AGAP1: variants seen among roughly 807,000 people sequenced by gnomAD.
The protein encoded by AGAP1 is ArfGAP with GTPase domain, ankyrin repeat and PH domain 1.
In AGAP1, 29 loss-of-function variants were observed where a neutral mutation model predicts 105.3. The observed-to-expected ratio is 0.28, with a 90% CI of 0.21 to 0.38. The LOEUF (loss-of-function observed/expected upper bound fraction) is 0.38. AGAP1 is among the 10% of genes least tolerant of loss of function. The pLI is 1.00. For synonymous variants in AGAP1, 509 were observed against 485.9 expected, an observed-to-expected ratio of 1.05 and a Z score of -0.63; for missense variants, 998 against 1,165.1, an observed-to-expected ratio of 0.86 and a Z score of 2.09.
At chr2:235,947,473 C>T (rs892776717) in intron 12 of AGAP1, among the ~76,000 whole-genome samples, 1 of 152,164 alleles carries the variant, frequency 6.6e-6, no homozygotes, top group African/African-American at 2.4e-5. Context: ...TTCGTCCACT[C>T]GTTGATTGAT....
intron 11 of AGAP1, among the ~76,000 whole-genome samples, chr2:235,916,853 G>A (rs1256105747): frequency 6.6e-6 from 1 of 152,142 alleles, no homozygotes; most frequent in Admixed American, 6.5e-5. Flanking sequence ...AATGGACATA[G>A]GGCTTAGACT....
rs537213241 is a variant in AGAP1, at chr2:236,046,530, G to C, written c.1892-2529G>C. 1.1e-4 allele frequency among the ~76,000 whole-genome samples: 16 copies of C among 152,304 alleles called. No homozygotes were observed. The highest frequency in any genetic ancestry group is 6.5e-4 in the Admixed American group (10 of 15,304). On this transcript the variant is annotated intron_variant, in intron 15 of 17. Transcript: ENST00000304032. The surrounding 1 kb of genome is among the most constrained non-coding windows in gnomAD (Gnocchi z 5.2). ...AGGTGGACCCCTGGGGTCCCAGCTT[G>C]AATAGCTGGGACAGGAGGGACCTGG...
chr2:235,644,264 A>T (rs886985790), intron 1 of AGAP1, among the ~76,000 whole-genome samples: 2 of 152,210 alleles, frequency 1.3e-5, no homozygotes, highest in Admixed American at 1.3e-4. Flanking sequence ...TCCTGATTAG[A>T]TAATACTGAG....
At chr2:235,861,950 G>T (rs1328932974) in intron 9 of AGAP1, among the ~76,000 whole-genome samples, 1 of 152,228 alleles carries the variant, frequency 6.6e-6, no homozygotes. Context: ...AACCATTGGG[G>T]ACCCTGCCCC....
intron 11 of AGAP1, among the ~76,000 whole-genome samples, chr2:235,923,187 T>C (rs2052269702): frequency 2.6e-5 from 4 of 152,204 alleles, no homozygotes; most frequent in Non-Finnish European, 5.9e-5. Context: ...TGGGGGACGA[T>C]GCCGAAAAGG....
Position 235,705,487 on chromosome 2 carries a change from G to A in AGAP1, c.164-3692G>A, listed in dbSNP as rs1291223749. Among the ~76,000 whole-genome samples, 4 of 152,156 alleles carry A rather than the reference G, an allele frequency of 2.6e-5. No individual in the cohort carries two copies. Among genetic ancestry groups the A allele is most frequent in the Admixed American group, 6.6e-5 (1 of 15,264 alleles). On this transcript the variant is annotated intron_variant, in intron 1 of 17. Transcript: ENST00000304032. This position sits in a 1 kb window ranked among gnomAD's most constrained non-coding sequence, Gnocchi z 4.9. ...CCTGGACCCTGCCCCACCCTTCCTC[G>A]ACCCCACCTACTGAGTGATGAACAA... is the stretch of plus-strand genomic sequence containing the variant.
At position 235,494,737 on chromosome 2, in the gene AGAP1, C is replaced by A; in HGVS notation, c.51C>A (p.Ile17=). 6.4e-7 allele frequency: 1 copy of A among 1,569,152 alleles called. No homozygotes were observed. Among genetic ancestry groups the A allele is most frequent in the South Asian group, 1.1e-5 (1 of 87,612 alleles). The stretch of plus-strand genomic sequence containing the variant: ...ACTCGGCTGCCATCCGGGCCGAGAT[C>A]CAGCGCTTCGAGTCGGTCCACCCCA... ...LANSAAIRAE[I]QRFESVHPNI... The change falls in exon 1 of 18, where the codon ATC becomes ATA. Residue 17 remains isoleucine (I), a synonymous_variant. Transcript: ENST00000304032.
chr2:236,079,735 G>T (rs1282041611), intron 16 of AGAP1, among the ~76,000 whole-genome samples: 1 of 152,098 alleles, frequency 6.6e-6, no homozygotes, highest in Non-Finnish European at 1.5e-5. Flanking sequence ...CAGTTGGTGG[G>T]ACAGGGAAGG....
chr2:235,973,309 G>A lies in AGAP1; in HGVS notation c.1645+4686G>A, dbSNP rs980659092. On this transcript the variant is annotated intron_variant, in intron 13 of 17. Coordinates refer to ENST00000304032, the MANE Select transcript of AGAP1 (RefSeq NM_001037131.3). The surrounding 1 kb of genome is among the most constrained non-coding windows in gnomAD (Gnocchi z 4.7). Reference sequence around the variant, plus strand: ...TTAGGTTTACCATTTAAAATGAATCGGAGGAATCTGGAAAGTTACAGAAGC... The same window carrying A: ...TTAGGTTTACCATTTAAAATGAATCAGAGGAATCTGGAAAGTTACAGAAGC... Among the ~76,000 whole-genome samples the A allele has an allele frequency of 1.1e-4, 16 of 152,194 alleles. No individual in the cohort carries two copies. The highest frequency in any genetic ancestry group is 6.5e-4 in the Admixed American group (10 of 15,288).
rs572621926 is a variant in AGAP1, at chr2:235,904,692, C to T, written c.1156-4046C>T. 6.6e-5 allele frequency among the ~76,000 whole-genome samples: 10 copies of T among 152,320 alleles called. No individual in the cohort carries two copies. The highest frequency in any genetic ancestry group is 1.2e-4 in the Non-Finnish European group (8 of 68,036). On this transcript the variant is annotated intron_variant, in intron 10 of 17. Transcript: ENST00000304032. This position sits in a 1 kb window ranked among gnomAD's most constrained non-coding sequence, Gnocchi z 4.2. ...GTGAAGGGTCTGCACAGCCCCTTGACTTCTACGGAGGACATTGTTTAGTGG... is the reference window on the plus strand; with the variant it reads ...GTGAAGGGTCTGCACAGCCCCTTGATTTCTACGGAGGACATTGTTTAGTGG...
At chr2:235,844,863 T>TGCCTCATCCCTTC (rs897380755) in intron 9 of AGAP1, among the ~76,000 whole-genome samples, 2 of 152,202 alleles carry the variant, frequency 1.3e-5, no homozygotes, top group African/African-American at 4.8e-5. Flanking sequence ...CTCTTTTCTG[T>TGCCTCATCCCTTC]GCCTCATCCC....
At chr2:236,028,518 G>A (rs1393985490) in intron 13 of AGAP1, among the ~76,000 whole-genome samples, 1 of 152,110 alleles carries the variant, frequency 6.6e-6, no homozygotes, top group East Asian at 1.9e-4. Context: ...GCTTAAATAC[G>A]ATTTTTGTTT....
At chr2:236,110,857 G>A (rs527552931) in intron 16 of AGAP1, among the ~76,000 whole-genome samples, 2 of 152,194 alleles carry the variant, frequency 1.3e-5, no homozygotes, top group Non-Finnish European at 2.9e-5. Flanking sequence ...ATAAACAAAA[G>A]AAGTGTCTTG....
chr2:235,538,314 T>G (rs905885415), intron 1 of AGAP1, among the ~76,000 whole-genome samples: 6 of 152,218 alleles, frequency 3.9e-5, no homozygotes, highest in African/African-American at 1.4e-4. Context: ...AAAGAGCATC[T>G]TATTTTTATG....
In AGAP1 at chr2:235,973,587, A is replaced by G. The variant is rs1352433283; in HGVS notation, c.1645+4964A>G. ...AAGGGTGGTGATGAGGATGAGGGCCATGAGGCATGGTGACTGTGACCAGCT... is the reference window on the plus strand; with the variant it reads ...AAGGGTGGTGATGAGGATGAGGGCCGTGAGGCATGGTGACTGTGACCAGCT... On this transcript the variant is annotated intron_variant, in intron 13 of 17. Transcript: ENST00000304032. The surrounding 1 kb of genome is among the most constrained non-coding windows in gnomAD (Gnocchi z 4.7). Among the ~76,000 whole-genome samples the G allele has an allele frequency of 1.3e-5, 2 of 152,196 alleles. No homozygotes were observed. Among genetic ancestry groups the G allele is most frequent in the African/African-American group, 4.8e-5 (2 of 41,460 alleles).
chr2:235,740,469 A>G lies in AGAP1; in HGVS notation c.311-494A>G, dbSNP rs945846675. Among the ~76,000 whole-genome samples, 2 of 152,156 alleles carry G rather than the reference A, an allele frequency of 1.3e-5. No homozygotes were observed. The highest frequency in any genetic ancestry group is 2.9e-5 in the Non-Finnish European group (2 of 68,020). On this transcript the variant is annotated intron_variant, in intron 3 of 17. Transcript: ENST00000304032. The surrounding 1 kb of genome is among the most constrained non-coding windows in gnomAD (Gnocchi z 5.7). ...CTAATTGTGGCCTGTGACTCTGGAA[A>G]CACCATTCTCATGATGTTCTATGTC...
intron 9 of AGAP1, among the ~76,000 whole-genome samples, chr2:235,853,986 G>A (rs1051070073): frequency 3.9e-5 from 6 of 151,912 alleles, no homozygotes; most frequent in Non-Finnish European, 7.4e-5. Context: ...TTTTAATGAA[G>A]CAAATATGGT....
Position 236,126,364 on chromosome 2 carries a change from T to A in AGAP1, c.*2242T>A, listed in dbSNP as rs1360408826. On this transcript the variant is annotated 3_prime_UTR_variant, in exon 18 of 18. Transcript: ENST00000304032. ...TCCACACAGCCTTCACCGTAGACTC[T>A]GTAGTGGACACAGATATAGCATAAA... is the stretch of plus-strand genomic sequence containing the variant. 1 of 152,248 alleles carries A rather than the reference T, an allele frequency of 6.6e-6. No homozygotes were observed. The highest frequency in any genetic ancestry group is 2.4e-5 in the African/African-American group (1 of 41,454). The allele number at this position is 152,248 out of a possible 1,614,324, so 9.4% of individuals were successfully genotyped here.
chr2:235,943,362 AT>A (rs562379887), intron 12 of AGAP1, among the ~76,000 whole-genome samples: 2,386 of 127,032 alleles, frequency 0.019, 43 homozygotes, highest in South Asian at 0.052. Flanking sequence ...AAAGGACTTA[AT>A]TTTTTTTTTT....
Sources: allele counts gnomAD v4.1 joint callset (sites outside exome capture counted in the v4.1 genomes callset), GRCh38; gene constraint gnomAD v4.1.1; non-coding constraint Gnocchi (gnomAD v3.1); transcripts MANE v1.5; gene names NCBI Gene and HGNC (gene_info 2026-07-23, HGNC 2026-07-21).